The following UVRAG variants were observed in gnomAD, a reference collection of about 807,000 sequenced individuals.
UVRAG encodes the protein UV radiation resistance-associated gene protein.
UVRAG carries 19 observed loss-of-function variants against 78.0 expected under a neutral mutation model. The ratio of observed to expected loss-of-function variants is 0.24; its 90% CI spans 0.17 to 0.36. UVRAG has a LOEUF of 0.36. Ranked by LOEUF, UVRAG falls within the 10% of genes least tolerant of loss-of-function variation. The probability of loss-of-function intolerance (pLI) is 1.00; values close to 1 mark genes in which losing one functional copy is unlikely to be tolerated. For missense variants in UVRAG, 740 were observed against 853.8 expected, an observed-to-expected ratio of 0.87 and a Z score of 1.66; for synonymous variants, 323 against 324.6, an observed-to-expected ratio of 1.00 and a Z score of 0.05.
chr11:75,871,683 G>A (rs899812547), intron 3 of UVRAG, among the ~76,000 whole-genome samples: 4 of 152,210 alleles, frequency 2.6e-5, no homozygotes, highest in East Asian at 1.9e-4. Context: ...CTGAACATAT[G>A]TGTGCCTTTC....
At chr11:76,078,614 C>T (rs1353317050) in intron 13 of UVRAG, among the ~76,000 whole-genome samples, 2 of 151,684 alleles carry the variant, frequency 1.3e-5, no homozygotes, top group Admixed American at 1.3e-4. Flanking sequence ...TTAGAAATTT[C>T]AAGGTTAGAC....
At chr11:75,829,036 T>G (rs1945597422) in intron 1 of UVRAG, among the ~76,000 whole-genome samples, 1 of 151,858 alleles carries the variant, frequency 6.6e-6, no homozygotes, top group South Asian at 2.1e-4. Context: ...GGTTATTAGA[T>G]GAGGACACTG....
chr11:76,033,608 C>G (rs1449172527), intron 12 of UVRAG, among the ~76,000 whole-genome samples: 4 of 151,814 alleles, frequency 2.6e-5, no homozygotes, highest in Non-Finnish European at 4.4e-5. Flanking sequence ...ATGTCAGGAT[C>G]CAGAATATAT....
intron 13 of UVRAG, among the ~76,000 whole-genome samples, chr11:76,082,035 A>G (rs1239160843): frequency 1.3e-5 from 2 of 152,266 alleles, no homozygotes; most frequent in Admixed American, 6.5e-5. Flanking sequence ...AAACTATACA[A>G]AAAAACAAGG....
chr11:75,985,363 T>C (rs963464714), intron 8 of UVRAG, among the ~76,000 whole-genome samples: 2 of 152,030 alleles, frequency 1.3e-5, no homozygotes, highest in Non-Finnish European at 2.9e-5. Context: ...TTTTGTGATA[T>C]ACCTGTTTGA....
intron 7 of UVRAG, among the ~76,000 whole-genome samples, chr11:75,964,330 T>G (rs528915458): frequency 1.1e-4 from 16 of 152,234 alleles, no homozygotes; most frequent in Admixed American, 8.5e-4. Context: ...AATTATTTCT[T>G]AAATGTTAAG....
chr11:76,096,511 A>G (rs1951787223), intron 13 of UVRAG, among the ~76,000 whole-genome samples: 1 of 152,208 alleles, frequency 6.6e-6, no homozygotes, highest in African/African-American at 2.4e-5. Flanking sequence ...TGTTTAACAG[A>G]TAGAGCTGCC....
At chr11:75,824,187 C>T (rs935628439) in intron 1 of UVRAG, among the ~76,000 whole-genome samples, 1 of 151,864 alleles carries the variant, frequency 6.6e-6, no homozygotes, top group Non-Finnish European at 1.5e-5. Flanking sequence ...CCTTGTAACT[C>T]GAAGAAAAAA....
At chr11:75,978,428 A>G (rs941482229) in intron 7 of UVRAG, among the ~76,000 whole-genome samples, 5 of 152,094 alleles carry the variant, frequency 3.3e-5, no homozygotes, top group Admixed American at 2.0e-4. Context: ...TTGCTAGGTT[A>G]GGGAAGTTCT....
intron 6 of UVRAG, among the ~76,000 whole-genome samples, chr11:75,928,697 T>C (rs1180530916): frequency 6.6e-6 from 1 of 152,022 alleles, no homozygotes; most frequent in Non-Finnish European, 1.5e-5. Flanking sequence ...CCCAGCACTT[T>C]GGGAGGCCCA....
chr11:75,867,954 C>T (rs948404246), intron 3 of UVRAG, among the ~76,000 whole-genome samples: 2 of 152,076 alleles, frequency 1.3e-5, no homozygotes, highest in Non-Finnish European at 2.9e-5. Flanking sequence ...GATACAATGA[C>T]ACTGGATGAC....
intron 2 of UVRAG, among the ~76,000 whole-genome samples, chr11:75,856,324 T>A (rs1946291286): frequency 6.6e-6 from 1 of 152,192 alleles, no homozygotes; most frequent in South Asian, 2.1e-4. Context: ...TTTTCATAGT[T>A]ATTTTCTTAC....
chr11:76,019,318 C>G (rs1190251949), intron 12 of UVRAG, among the ~76,000 whole-genome samples: 1 of 152,240 alleles, frequency 6.6e-6, no homozygotes, highest in Non-Finnish European at 1.5e-5. Flanking sequence ...TCACATACCT[C>G]TGTTTCTCCA....
At chr11:76,043,247 GGAA>G (rs1950685810) in intron 12 of UVRAG, among the ~76,000 whole-genome samples, 1 of 152,038 alleles carries the variant, frequency 6.6e-6, no homozygotes, top group Non-Finnish European at 1.5e-5. Context: ...TTTAAAAAAA[GGAA>G]GAAAAAGTAT....
intron 1 of UVRAG, among the ~76,000 whole-genome samples, chr11:75,845,325 A>T (rs986743507): frequency 3.3e-5 from 5 of 152,244 alleles, no homozygotes; most frequent in African/African-American, 1.2e-4. Flanking sequence ...ATGCACAAAG[A>T]GCATTTTATA....
chr11:75,889,379 G>A lies in UVRAG; in HGVS notation c.507+476G>A, dbSNP rs146446517. ...CCAAGTACCTACTATCTATGGTACT[G>A]TGCCAGGTGATTCTTGTCCTTTTCC... On this transcript the variant is annotated intron_variant, in intron 5 of 14. Transcript: ENST00000356136. Among the ~76,000 whole-genome samples the A allele has an allele frequency of 3.2e-4, 49 of 152,356 alleles. 1 individual carries two copies. The East Asian group carries it at 8.5e-3, about 26-fold the overall frequency.
At chr11:75,937,736 G>T (rs1049299150) in intron 6 of UVRAG, among the ~76,000 whole-genome samples, 1 of 151,954 alleles carries the variant, frequency 6.6e-6, no homozygotes, top group Non-Finnish European at 1.5e-5. Context: ...TTTCATACCT[G>T]GTATTTGTTG....
chr11:76,052,900 T>C (rs997485016), intron 12 of UVRAG, among the ~76,000 whole-genome samples: 2 of 151,402 alleles, frequency 1.3e-5, no homozygotes, highest in African/African-American at 4.8e-5. Context: ...TTTTGTCACC[T>C]CATTTCATTT....
chr11:75,946,936 G>A (rs998295874), intron 6 of UVRAG, among the ~76,000 whole-genome samples: 3 of 152,156 alleles, frequency 2.0e-5, no homozygotes, highest in Admixed American at 6.6e-5. Context: ...CTGGAACTCT[G>A]AGATCAAGGT....
Sources: allele counts gnomAD v4.1 joint callset (sites outside exome capture counted in the v4.1 genomes callset), GRCh38; gene constraint gnomAD v4.1.1; transcripts MANE v1.5; gene names NCBI Gene and HGNC (gene_info 2026-07-23, HGNC 2026-07-21).